The following ATXN1 variants were observed in gnomAD, a reference collection of about 807,000 sequenced individuals.
ATXN1 encodes ataxin 1, also known as ataxin-1.
ATXN1 carries 8 observed loss-of-function variants against 56.4 expected under a neutral mutation model. The ratio of observed to expected loss-of-function variants is 0.14; its 90% CI spans 0.08 to 0.26. ATXN1 has a LOEUF of 0.26. ATXN1 is among the 10% of genes least tolerant of loss of function. The pLI is 1.00. For missense variants in ATXN1, 987 were observed against 1,106.5 expected, an observed-to-expected ratio of 0.89 and a Z score of 1.53; for synonymous variants, 514 against 494.6, an observed-to-expected ratio of 1.04 and a Z score of -0.52.
At chr6:16,627,762 C>T (rs367889739) in intron 3 of ATXN1, among the ~76,000 whole-genome samples, 119 of 152,148 alleles carry the variant, frequency 7.8e-4, no homozygotes, top group African/African-American at 2.8e-3. Context: ...AGGATCCTCT[C>T]TCAGCAAGTC....
intron 6 of ATXN1, among the ~76,000 whole-genome samples, chr6:16,377,838 A>C (rs1762174804): frequency 6.6e-6 from 1 of 152,248 alleles, no homozygotes; most frequent in Non-Finnish European, 1.5e-5. Context: ...GGCATAGCAT[A>C]AGCACACGCA....
At position 16,300,856 on chromosome 6, in the gene ATXN1, T is replaced by G. The variant is rs947649980; in HGVS notation, c.*5473A>C. 1 of 152,602 alleles carries G rather than the reference T, an allele frequency of 6.6e-6. No homozygotes were observed. Among genetic ancestry groups the G allele is most frequent in the Non-Finnish European group, 1.5e-5 (1 of 68,030 alleles). 9.5% of individuals were successfully genotyped at this position (152,602 alleles called of 1,614,324 possible). ...TAAGAGTTTAGACTAAGAAGGGAGC[T>G]CAGAGAAGTACTTTCAGCATAGGAA... On this transcript the variant is annotated 3_prime_UTR_variant, in exon 8 of 8. Transcript: ENST00000436367.
rs188451482 is a variant in ATXN1, at chr6:16,340,033, G to A, written c.-160-11563C>T. Among the ~76,000 whole-genome samples, 344 of 152,198 alleles carry A rather than the reference G, an allele frequency of 2.3e-3. 1 individual carries two copies. The highest frequency in any genetic ancestry group is 7.6e-3 in the African/African-American group (317 of 41,514). ...CTTGACTTCGCGGTCTGCCCACCTC[G>A]GCCTCCCAAAGTGCTGGGATTACAG... On this transcript the variant is annotated intron_variant, in intron 6 of 7. Coordinates refer to ENST00000436367, the MANE Select transcript of ATXN1 (RefSeq NM_001128164.2).
chr6:16,638,964 G>A (rs1256537549), intron 3 of ATXN1, among the ~76,000 whole-genome samples: 1 of 152,308 alleles, frequency 6.6e-6, no homozygotes, highest in Admixed American at 6.5e-5. Flanking sequence ...TGGGTCGAGT[G>A]GGGACTTGGA....
intron 2 of ATXN1, among the ~76,000 whole-genome samples, chr6:16,703,912 G>C (rs893161565): frequency 6.6e-6 from 1 of 152,140 alleles, no homozygotes; most frequent in African/African-American, 2.4e-5. Flanking sequence ...CCAGCTACCC[G>C]GGAGCCTGAG....
chr6:16,453,187 C>G (rs1759786897), intron 6 of ATXN1, among the ~76,000 whole-genome samples: 1 of 151,676 alleles, frequency 6.6e-6, no homozygotes, highest in African/African-American at 2.4e-5. Flanking sequence ...TCAGTCTCAT[C>G]ATTGATAGAG....
chr6:16,632,467 A>G (rs1332036784), intron 3 of ATXN1, among the ~76,000 whole-genome samples: 1 of 152,166 alleles, frequency 6.6e-6, no homozygotes, highest in Non-Finnish European at 1.5e-5. Context: ...CAAAGTTTTG[A>G]TTTGAATTCA....
At chr6:16,309,645 T>C (rs1035527428) in intron 7 of ATXN1, among the ~76,000 whole-genome samples, 2 of 151,784 alleles carry the variant, frequency 1.3e-5, no homozygotes, top group Non-Finnish European at 2.9e-5. Flanking sequence ...ACAGGAAAAA[T>C]AAACAAAAAG....
chr6:16,571,085 C>T (rs1381756158), intron 4 of ATXN1, among the ~76,000 whole-genome samples: 1 of 152,084 alleles, frequency 6.6e-6, no homozygotes, highest in African/African-American at 2.4e-5. Flanking sequence ...CTTTACCTTG[C>T]AATTGCTATG....
intron 1 of ATXN1, among the ~76,000 whole-genome samples, chr6:16,757,857 T>C (rs1221065280): frequency 2.0e-5 from 3 of 149,206 alleles, no homozygotes; most frequent in Non-Finnish European, 4.5e-5. Context: ...GCCATAATAT[T>C]ATTTCTCTTT....
At chr6:16,358,149 T>TA (rs1263179288) in intron 6 of ATXN1, among the ~76,000 whole-genome samples, 4 of 151,966 alleles carry the variant, frequency 2.6e-5, no homozygotes, top group East Asian at 1.9e-4. Context: ...ATGGCCATAA[T>TA]AAAAAAAATG....
intron 2 of ATXN1, among the ~76,000 whole-genome samples, chr6:16,743,506 C>T (rs756174031): frequency 7.2e-5 from 11 of 152,194 alleles, no homozygotes; most frequent in Non-Finnish European, 8.8e-5. Flanking sequence ...TAGATGGAAT[C>T]ACATCCAATT....
chr6:16,358,650 A>T (rs537368188), intron 6 of ATXN1, among the ~76,000 whole-genome samples: 1 of 152,182 alleles, frequency 6.6e-6, no homozygotes, highest in Non-Finnish European at 1.5e-5. Context: ...AGCCCTGTTC[A>T]TTCCGAGTTG....
chr6:16,758,758 G>A (rs1281419628), intron 1 of ATXN1, among the ~76,000 whole-genome samples: 1 of 152,236 alleles, frequency 6.6e-6, no homozygotes, highest in African/African-American at 2.4e-5. Context: ...CAGGCAGCCA[G>A]GAGGTTCAGG....
chr6:16,348,074 G>A (rs1372706612), intron 6 of ATXN1, among the ~76,000 whole-genome samples: 1 of 152,096 alleles, frequency 6.6e-6, no homozygotes, highest in African/African-American at 2.4e-5. Flanking sequence ...AAGGGTCCAC[G>A]GCTTAATTCT....
chr6:16,466,556 G>T (rs1280252343), intron 6 of ATXN1, among the ~76,000 whole-genome samples: 1 of 152,158 alleles, frequency 6.6e-6, no homozygotes, highest in Non-Finnish European at 1.5e-5. Context: ...TACTGGAAAA[G>T]TCAGTAGCCA....
At chr6:16,713,383 G>A (rs563861415) in intron 2 of ATXN1, among the ~76,000 whole-genome samples, 46 of 152,290 alleles carry the variant, frequency 3.0e-4, no homozygotes, top group Admixed American at 2.8e-3. Flanking sequence ...GCCAAAGGAC[G>A]CCATTGGCCT....
intron 6 of ATXN1, among the ~76,000 whole-genome samples, chr6:16,445,352 G>C (rs1378137211): frequency 1.3e-5 from 2 of 152,076 alleles, no homozygotes; most frequent in Non-Finnish European, 2.9e-5. Context: ...TTATGAAGAT[G>C]CAAGGTCCAG....
At chr6:16,457,387 A>G (rs374348443) in intron 6 of ATXN1, among the ~76,000 whole-genome samples, 83 of 141,762 alleles carry the variant, frequency 5.9e-4, no homozygotes, top group East Asian at 4.9e-3. Flanking sequence ...GGGAGAAGAG[A>G]AAAAAAAAAA....
Sources: allele counts gnomAD v4.1 joint callset (sites outside exome capture counted in the v4.1 genomes callset), GRCh38; gene constraint gnomAD v4.1.1; transcripts MANE v1.5; gene names NCBI Gene and HGNC (gene_info 2026-07-23, HGNC 2026-07-21).